Variants in NBPF12 observed in about 807,000 individuals in gnomAD.
NBPF12 encodes NBPF member 12, also known as NBPF family member NBPF12.
NBPF12 carries 115 observed loss-of-function variants against 146.4 expected under a neutral mutation model. The ratio of observed to expected loss-of-function variants is 0.79; its 90% CI spans 0.68 to 0.92. NBPF12 has a LOEUF of 0.92. Ranked by LOEUF, NBPF12 falls within the 40% of genes least tolerant of loss-of-function variation. The probability of loss-of-function intolerance (pLI) is 0.00; values close to 1 mark genes in which losing one functional copy is unlikely to be tolerated. For missense variants in NBPF12, 1,205 were observed against 1,326.8 expected (o/e 0.91, Z 1.43); for synonymous variants, 385 against 508.9 (o/e 0.76, Z 3.28).
chr1:146,981,244 C>T (rs1226172662), intron 19 of NBPF12, among the ~76,000 whole-genome samples: 5 of 126,648 alleles, frequency 3.9e-5, no homozygotes, highest in East Asian at 2.5e-4. Flanking sequence ...CTAAGCTGCA[C>T]GTTGTGCACA....
rs1170341659 is a variant in NBPF12, at chr1:146,994,258, C to G, written c.4131-74C>G. ...CTTTTCTAACCACTTCCTTATGTTACTTCTGAAATCTAGTGAGGCTCTGTG... is the reference window on the plus strand; with the variant it reads ...CTTTTCTAACCACTTCCTTATGTTAGTTCTGAAATCTAGTGAGGCTCTGTG... On this transcript the variant is annotated intron_variant, in intron 33 of 33. Coordinates refer to ENST00000617844, the Ensembl canonical transcript of NBPF12. 69 of 1,610,308 alleles carry G rather than the reference C, an allele frequency of 4.3e-5. 2 individuals carry two copies. Among genetic ancestry groups the G allele is most frequent in the Non-Finnish European group, 3.4e-6 (4 of 1,179,320 alleles).
chr1:146,942,134 G>A (rs1300220943), intron 1 of NBPF12, among the ~76,000 whole-genome samples: 2 of 150,864 alleles, frequency 1.3e-5, no homozygotes, highest in African/African-American at 2.5e-5. Context: ...CTGGGATTAC[G>A]GCATGCACCA....
intron 4 of NBPF12, among the ~76,000 whole-genome samples, chr1:146,960,935 C>T (rs1655809424): frequency 6.6e-6 from 1 of 152,094 alleles, no homozygotes; most frequent in African/African-American, 2.4e-5. Context: ...AGCACGAGGT[C>T]AGCAGTTTGA....
In NBPF12 at chr1:146,958,015, AAAT is replaced by A. The variant is rs1483588312; in HGVS notation, c.-183-1839_-183-1837del. On this transcript the variant is annotated intron_variant, in intron 2 of 33. Transcript: ENST00000617844. The stretch of plus-strand genomic sequence containing the variant: ...TATATATATATACATGTGTATATAT[AAAT>A]AATACATATACACGTGTATATATAT... 7.5e-5 allele frequency among the ~76,000 whole-genome samples: 9 copies of A among 120,484 alleles called. 1 individual carries two copies. The highest frequency in any genetic ancestry group is 2.9e-4 in the East Asian group (1 of 3,446). 79.0% of individuals were successfully genotyped at this position (120,484 alleles called of 152,430 possible). A position where few individuals can be genotyped will look rare whatever the true frequency, so the allele number is the denominator to read the frequency against.
upstream of NBPF12, among the ~76,000 whole-genome samples, chr1:146,945,675 A>G (rs1215936069): frequency 6.6e-6 from 1 of 151,546 alleles, no homozygotes; most frequent in Non-Finnish European, 1.5e-5. Context: ...AGAAAAATGG[A>G]GTAGATAGTA....
chr1:146,946,561 G>T (rs1655083936), upstream of NBPF12, among the ~76,000 whole-genome samples: 2 of 53,084 alleles, frequency 3.8e-5, no homozygotes, highest in Admixed American at 2.9e-4. Context: ...TTAGTTCTCA[G>T]AATTCTTCAT....
intron 18 of NBPF12, among the ~76,000 whole-genome samples, chr1:146,977,939 C>T (rs1657150911): frequency 6.6e-6 from 1 of 152,038 alleles, no homozygotes; most frequent in Admixed American, 6.6e-5. Context: ...GTCAGGCCTC[C>T]TAACTTCCAT....
At chr1:146,973,906 G>A (rs1367022707) in intron 14 of NBPF12, among the ~76,000 whole-genome samples, 4 of 150,502 alleles carry the variant, frequency 2.7e-5, no homozygotes, top group South Asian at 2.1e-4. Flanking sequence ...GATCGCACCC[G>A]AGAATGTGTG....
At chr1:146,963,309 G>C in exon 6 of NBPF12, 1 of 1,611,856 alleles carries the variant, frequency 6.2e-7, no homozygotes, top group Non-Finnish European at 8.5e-7. Flanking sequence ...GCTCAGCCCA[G>C]GTAAGGTGGC....
chr1:146,977,118 A>G (rs1657090543), intron 17 of NBPF12, 117 bp downstream of exon 20: 1 of 791,682 alleles, frequency 1.3e-6, no homozygotes, highest in Non-Finnish European at 2.2e-6. Context: ...TGGCCACAGT[A>G]TGTGAAATAT....
chr1:146,980,372 T>G (rs1427198147), intron 19 of NBPF12, among the ~76,000 whole-genome samples: 1 of 152,122 alleles, frequency 6.6e-6, no homozygotes, highest in Non-Finnish European at 1.5e-5. Context: ...GTTTGCTGGT[T>G]ATTTCACCCG....
At chr1:146,957,970 CATGTATAT>C (rs1220253217) in intron 2 of NBPF12, among the ~76,000 whole-genome samples, 2 of 103,646 alleles carry the variant, frequency 1.9e-5, no homozygotes, top group African/African-American at 3.4e-5. Flanking sequence ...TACGTGTATA[CATGTATAT>C]ATGTGTGTGT....
At chr1:146,961,380 T>A (rs1357522275) in intron 4 of NBPF12, among the ~76,000 whole-genome samples, 1,899 of 151,792 alleles carry the variant, frequency 0.013, 47 homozygotes, top group African/African-American at 0.044. Context: ...TTTCCTCATC[T>A]GTTCAGAGGG....
intron 10 of NBPF12, among the ~76,000 whole-genome samples, chr1:146,968,760 C>G (rs1403232559): frequency 6.6e-6 from 1 of 151,644 alleles, no homozygotes; most frequent in South Asian, 2.1e-4. Context: ...CTTGTTTTCT[C>G]TTTTTCAAAC....
intron 2 of NBPF12, among the ~76,000 whole-genome samples, chr1:146,953,588 C>T (rs1386370405): frequency 1.1e-4 from 16 of 145,718 alleles, no homozygotes; most frequent in African/African-American, 4.1e-4. Flanking sequence ...TTGTCATACA[C>T]AGTAAAAGCA....
chr1:146,962,798 G>A (rs1341524378), intron 5 of NBPF12, among the ~76,000 whole-genome samples: 2 of 150,088 alleles, frequency 1.3e-5, no homozygotes, highest in African/African-American at 4.9e-5. Flanking sequence ...TGGCCAGAGT[G>A]AGGAACTGAA....
intron 27 of NBPF12, 41 bp from the exon 31 acceptor site, chr1:146,989,533 G>T: frequency 2.3e-6 from 3 of 1,315,152 alleles, no homozygotes; most frequent in Admixed American, 1.7e-5. Flanking sequence ...TGTGATTTCT[G>T]ATTCCCCCTG....
At chr1:146,982,549 G>A (rs1293244838) in intron 19 of NBPF12, among the ~76,000 whole-genome samples, 2 of 151,984 alleles carry the variant, frequency 1.3e-5, no homozygotes, top group African/African-American at 4.8e-5. Flanking sequence ...CAAGATCTGT[G>A]TCTGCATTGG....
At chr1:146,994,192 A>C (rs1570905705) in intron 33 of NBPF12, 140 bp from the exon 37 acceptor site, 1 of 1,542,192 alleles carries the variant, frequency 6.5e-7, no homozygotes, top group East Asian at 2.3e-5. Flanking sequence ...CCCAACATAA[A>C]GGCAATAATT....
Sources: allele counts gnomAD v4.1 joint callset (sites outside exome capture counted in the v4.1 genomes callset), GRCh38; gene constraint gnomAD v4.1.1; transcripts MANE v1.5; gene names NCBI Gene and HGNC (gene_info 2026-07-23, HGNC 2026-07-21).